EXOC3L2: variants seen among roughly 807,000 people sequenced by gnomAD.
EXOC3L2 encodes the protein exocyst complex component 3 like 2.
A neutral mutation model predicts 44.4 loss-of-function variants in EXOC3L2; 17 were observed. That is an observed-to-expected ratio of 0.38 (90% CI 0.26 to 0.57). The LOEUF (loss-of-function observed/expected upper bound fraction) is 0.57. Ranked by LOEUF, EXOC3L2 falls within the 20% of genes least tolerant of loss-of-function variation. The pLI, the probability that EXOC3L2 is intolerant of heterozygous loss-of-function variation, is 0.65. For synonymous variants in EXOC3L2, 256 were observed against 253.7 expected, an observed-to-expected ratio of 1.01 and a Z score of -0.09; for missense variants, 541 against 588.4, an observed-to-expected ratio of 0.92 and a Z score of 0.83.
At chr19:45,220,328 G>C (rs530045388) in intron 8 of EXOC3L2, among the ~76,000 whole-genome samples, 13 of 151,364 alleles carry the variant, frequency 8.6e-5, no homozygotes, top group Admixed American at 3.3e-4. Flanking sequence ...TTAATTAGCT[G>C]GGCATGGTGG....
At chr19:45,218,471 T>C (rs2122959426) in intron 8 of EXOC3L2, 152 bp from the exon 9 acceptor site, 4 of 1,103,618 alleles carry the variant, frequency 3.6e-6, no homozygotes, top group Non-Finnish European at 4.9e-6. Context: ...CCTGGCATCC[T>C]TGGACTCACA....
Position 45,234,465 on chromosome 19 carries a change from G to A in EXOC3L2, c.885C>T (p.Arg295=), listed in dbSNP as rs905790296. 27 of 253,186 alleles carry A rather than the reference G, an allele frequency of 1.1e-4. No homozygotes were observed. Among genetic ancestry groups the A allele is most frequent in the African/African-American group, 6.0e-4 (26 of 43,132 alleles). The allele number at this position is 253,186 out of a possible 1,614,324, so 15.7% of individuals were successfully genotyped here. Residue 295 remains arginine (R), a synonymous_variant, in exon 3 of 12, where the codon CGC becomes CGT. Coordinates refer to ENST00000413988, the MANE Select transcript of EXOC3L2 (RefSeq NM_001382422.1). This position sits in a 1 kb window ranked among gnomAD's most constrained non-coding sequence, Gnocchi z 5.0. ...CTGCCTCTAGGCGCTCCCGGGCCGC[G>A]CGCGCCACGGCTTCGGCCCAGCGTG... ...LRARWAEAVA[R]AARERLEAAA...
intron 10 of EXOC3L2, 122 bp from the exon 11 acceptor site, chr19:45,216,316 C>G: frequency 7.3e-7 from 1 of 1,370,754 alleles, no homozygotes; most frequent in Non-Finnish European, 9.7e-7. Flanking sequence ...TGGCTCAAGC[C>G]TGTAATCCCA....
At chr19:45,243,267 T>G (rs1599770030) in intron 1 of EXOC3L2, among the ~76,000 whole-genome samples, 1 of 152,228 alleles carries the variant, frequency 6.6e-6, no homozygotes, top group South Asian at 2.1e-4. Flanking sequence ...GTAGCTTGTT[T>G]GTCACCACGA....
chr19:45,217,654 CG>C lies in EXOC3L2; in HGVS notation c.1871del (p.Ala624GlyfsTer172), dbSNP rs1568479534. 7.0e-7 allele frequency: 1 copy of C among 1,424,600 alleles called. No homozygotes were observed. The highest frequency in any genetic ancestry group is 3.1e-5 in the Admixed American group (1 of 32,142). The allele number at this position is 1,424,600 out of a possible 1,614,324, so 88.2% of individuals were successfully genotyped here. A position where few individuals can be genotyped will look rare whatever the true frequency, so the allele number is the denominator to read the frequency against. ...QALVAELHRR[A>X]LVEYVRPLLR... ...GCAGGGGCCGCACGTACTCGACCAG[CG>C]CCCGCCGGTGTAGCTCGGCTACCAG... On this transcript the variant is annotated frameshift_variant, in exon 10 of 12. Coordinates refer to ENST00000413988, the MANE Select transcript of EXOC3L2 (RefSeq NM_001382422.1). LOFTEE classifies it high-confidence loss of function.
Position 45,240,286 on chromosome 19 carries a change from T to TTA in EXOC3L2, c.-16-1226_-16-1225insTA, listed in dbSNP as rs1398873294. The stretch of plus-strand genomic sequence containing the variant: ...TGCCCACTTAATTAATTAATTAATT[T>TTA]ATTTATTTATTTATTGAGACAGGGT... On this transcript the variant is annotated intron_variant, in intron 1 of 11. Coordinates refer to ENST00000413988, the MANE Select transcript of EXOC3L2 (RefSeq NM_001382422.1). Among the ~76,000 whole-genome samples the TTA allele has an allele frequency of 7.6e-4, 113 of 147,748 alleles. 1 individual carries two copies. The highest frequency in any genetic ancestry group is 2.0e-3 in the South Asian group (9 of 4,592).
Position 45,218,215 on chromosome 19 carries a change from C to A in EXOC3L2, c.1824G>T (p.Met608Ile). 3.9e-6 allele frequency: 6 copies of A among 1,555,746 alleles called. No homozygotes were observed. Among genetic ancestry groups the A allele is most frequent in the Non-Finnish European group, 5.2e-6 (6 of 1,148,190 alleles). ...LGAQALALRR[M>I]QDEPYQALVA... ...GGTGCACCTGGTAAGGCTCGTCCTG[C>A]ATTCTGCGCAGGGCCAGGGCCTGGG... The change falls in exon 9 of 12, where the codon ATG becomes ATT. Residue 608 changes from methionine (M) to isoleucine (I), a missense_variant. Transcript: ENST00000413988.
At chr19:45,218,627 A>G (rs1969864671) in intron 8 of EXOC3L2, among the ~76,000 whole-genome samples, 1 of 152,090 alleles carries the variant, frequency 6.6e-6, no homozygotes, top group Admixed American at 6.6e-5. Context: ...AGGAGGGGAC[A>G]CCGGAACTGA....
rs903526654 is a variant in EXOC3L2, at chr19:45,213,444, C to T, written c.2121-87G>A. The T allele has an allele frequency of 2.0e-6, 3 of 1,519,674 alleles. No homozygotes were observed. The Admixed American group carries it at 6.4e-5, about 32-fold the overall frequency. 94.1% of individuals were successfully genotyped at this position (1,519,674 alleles called of 1,614,324 possible). The stretch of plus-strand genomic sequence containing the variant: ...AGCCGTGGACCCCACCTGACCCCCT[C>T]ACCTATCCCAGAAATTGCCTGAGTT... On this transcript the variant is annotated intron_variant, in intron 11 of 11. Transcript: ENST00000413988.
At chr19:45,224,752 C>T in intron 8 of EXOC3L2, 26 bp downstream of exon 8, 1 of 1,544,934 alleles carries the variant, frequency 6.5e-7, no homozygotes, top group Non-Finnish European at 8.7e-7. Flanking sequence ...GCATGGGCCC[C>T]AACCCTGGCC....
rs1969819795 is a variant in EXOC3L2, at chr19:45,215,140, C to CA, written c.2120+932dup. ...TGGGCGACAAAGTGAGACTCTGTCT[C>CA]AAAAAACAAAACAAAACAAACAACA... On this transcript the variant is annotated intron_variant, in intron 11 of 11. Transcript: ENST00000413988. Among the ~76,000 whole-genome samples the CA allele has an allele frequency of 1.3e-5, 2 of 151,880 alleles. 1 individual carries two copies. Among genetic ancestry groups the CA allele is most frequent in the South Asian group, 4.2e-4 (2 of 4,818 alleles).
chr19:45,224,706 C>A, intron 8 of EXOC3L2, 72 bp downstream of exon 8: 1 of 1,505,496 alleles, frequency 6.6e-7, no homozygotes, highest in African/African-American at 1.4e-5. Flanking sequence ...CTAAAAGGAA[C>A]TGGAGGATGG....
At chr19:45,227,159 C>T (rs1335727943) in intron 7 of EXOC3L2, among the ~76,000 whole-genome samples, 1 of 150,364 alleles carries the variant, frequency 6.7e-6, no homozygotes, top group Non-Finnish European at 1.5e-5. Context: ...GCTCTGTCTT[C>T]CAGGCTGGAG....
At chr19:45,219,695 G>A (rs138605405) in intron 8 of EXOC3L2, among the ~76,000 whole-genome samples, 3 of 152,270 alleles carry the variant, frequency 2.0e-5, no homozygotes, top group Non-Finnish European at 2.9e-5. Flanking sequence ...TTTCTAGAAT[G>A]CACTGTATAT....
chr19:45,219,615 C>T (rs1244063145), intron 8 of EXOC3L2, among the ~76,000 whole-genome samples: 1 of 152,086 alleles, frequency 6.6e-6, no homozygotes, highest in African/African-American at 2.4e-5. Context: ...TGCCTTTTCT[C>T]TCCACCCTTG....
At position 45,217,579 on chromosome 19, in the gene EXOC3L2, G is replaced by A; in HGVS notation, c.1947C>T (p.Ala649=). 6.5e-7 allele frequency: 1 copy of A among 1,548,376 alleles called. No individual in the cohort carries two copies. The highest frequency in any genetic ancestry group is 8.7e-7 in the Non-Finnish European group (1 of 1,154,324). ...GCGCCGCGTCCTCCCGGAGCCTGCC[G>A]GCCACGCGGCTGCGGGTCCGCGCCG... is the stretch of plus-strand genomic sequence containing the variant. ...CSSARTRSRV[A]GRLREDAAQL... Residue 649 remains alanine (A), a synonymous_variant, in exon 10 of 12, where the codon GCC becomes GCT. Transcript: ENST00000413988.
chr19:45,216,528 G>A lies in EXOC3L2; in HGVS notation c.1999-334C>T, dbSNP rs1969836958. Reference sequence around the variant, plus strand: ...CGAGAGGCAGAGGTTACAGTGAGCGGAGACTGCACCACTGCACTCCAGCCT... The same window carrying A: ...CGAGAGGCAGAGGTTACAGTGAGCGAAGACTGCACCACTGCACTCCAGCCT... On this transcript the variant is annotated intron_variant, in intron 10 of 11. Transcript: ENST00000413988. 2.0e-5 allele frequency: 4 copies of A among 195,374 alleles called. No individual in the cohort carries two copies. The Admixed American group carries it at 2.2e-4, about 11-fold the overall frequency. The allele number at this position is 195,374 out of a possible 1,614,324, so 12.1% of individuals were successfully genotyped here.
chr19:45,232,046 G>A (rs1483779175), intron 3 of EXOC3L2, among the ~76,000 whole-genome samples, 172 bp from the exon 4 acceptor site: 8 of 152,106 alleles, frequency 5.3e-5, no homozygotes, highest in African/African-American at 1.4e-4. Flanking sequence ...TTGCTTCCCC[G>A]GCTCCAGCTC....
At chr19:45,221,208 GTGGT>G (rs1344256593) in intron 8 of EXOC3L2, among the ~76,000 whole-genome samples, 4 of 120,244 alleles carry the variant, frequency 3.3e-5, no homozygotes, top group Admixed American at 7.6e-5. Flanking sequence ...TTGTTTTTTT[GTGGT>G]TTTTTTTTTT....
Sources: gnomAD v4.1 joint callset for allele counts (sites outside exome capture counted in the v4.1 genomes callset) on GRCh38, gnomAD v4.1.1 for gene constraint, Gnocchi (gnomAD v3.1) non-coding constraint, MANE v1.5 for transcripts, NCBI Gene and HGNC (gene_info 2026-07-23, HGNC 2026-07-21) for gene names.